The following ACOX3 variants were observed in gnomAD, a reference collection of about 807,000 sequenced individuals.
The protein encoded by ACOX3 is acyl-CoA oxidase 3, pristanoyl, also known as peroxisomal acyl-coenzyme A oxidase 3.
Under a neutral mutation model 81.5 loss-of-function variants are expected in ACOX3, and 73 were observed. That is an observed-to-expected ratio of 0.90 (90% CI 0.74 to 1.09). The LOEUF is 1.09. ACOX3 is among the 50% of genes least tolerant of loss of function. The pLI, the probability that ACOX3 is intolerant of heterozygous loss-of-function variation, is 0.00. For missense variants in ACOX3, 947 were observed against 928.0 expected, an observed-to-expected ratio of 1.02 and a Z score of -0.27; for synonymous variants, 387 against 375.1, an observed-to-expected ratio of 1.03 and a Z score of -0.37.
At chr4:8,408,891 T>TG (rs200811549) in intron 6 of ACOX3, among the ~76,000 whole-genome samples, 48 of 25,792 alleles carry the variant, frequency 1.9e-3, no homozygotes, top group Admixed American at 3.4e-3. Context: ...GAGCCCTCAC[T>TG]GGGGGGGGGG....
rs1231952749 is a variant in ACOX3, at chr4:8,405,797, C to T, written c.776+158G>A. Among the ~76,000 whole-genome samples the T allele has an allele frequency of 6.6e-6, 1 of 152,182 alleles. No homozygotes were observed. Among genetic ancestry groups the T allele is most frequent in the Non-Finnish European group, 1.5e-5 (1 of 68,036 alleles). ...AAAGTGGAGTTCAAGCAGGACGTGG[C>T]CAGTGCATGCACGGGGGCTAGGCGT... On this transcript the variant is annotated intron_variant, in intron 7 of 17. Coordinates refer to ENST00000356406, the MANE Select transcript of ACOX3 (RefSeq NM_003501.3). This position sits in a 1 kb window ranked among gnomAD's most constrained non-coding sequence, Gnocchi z 7.1.
chr4:8,413,240 C>G (rs1228743377), intron 5 of ACOX3, among the ~76,000 whole-genome samples: 1 of 129,502 alleles, frequency 7.7e-6, no homozygotes, highest in Non-Finnish European at 1.6e-5. Flanking sequence ...ATCTGTGGCC[C>G]ATCTCCCTCC....
rs1037571039 is a variant in ACOX3, at chr4:8,382,788, C to T, written c.1538-1181G>A. Among the ~76,000 whole-genome samples, 2 of 151,744 alleles carry T rather than the reference C, an allele frequency of 1.3e-5. No individual in the cohort carries two copies. The highest frequency in any genetic ancestry group is 1.9e-4 in the East Asian group (1 of 5,170). On this transcript the variant is annotated intron_variant, in intron 13 of 17. Coordinates refer to ENST00000356406, the MANE Select transcript of ACOX3 (RefSeq NM_003501.3). The surrounding 1 kb of genome is among the most constrained non-coding windows in gnomAD (Gnocchi z 4.1). ...CGGGCGGATCACGAGGTCAGGAGATCGAGACCATCCTGGCTAACACGGTGA... is the reference window on the plus strand; with the variant it reads ...CGGGCGGATCACGAGGTCAGGAGATTGAGACCATCCTGGCTAACACGGTGA...
In ACOX3 at chr4:8,396,934, T is replaced by C; in HGVS notation, c.1056+3A>G. The C allele has an allele frequency of 6.2e-7, 1 of 1,610,044 alleles. No homozygotes were observed. On this transcript the variant is annotated splice_donor_region_variant and intron_variant, in intron 9 of 17. Transcript: ENST00000356406. ...AGTGAAAGGATGCTTGAAAACCTCA[T>C]ACCTGCATTGGATACTCAAGCACTG...
intron 16 of ACOX3, 95 bp from the exon 17 acceptor site, chr4:8,371,089 T>A: frequency 8.8e-7 from 1 of 1,132,554 alleles, no homozygotes; most frequent in Non-Finnish European, 1.3e-6. Flanking sequence ...CAGGACCCAC[T>A]AGCAACGGGT....
rs1387433616 is a variant in ACOX3, at chr4:8,399,596, C to T, written c.833G>A (p.Gly278Glu). The change falls in exon 8 of 18, where the codon GGA becomes GAA. Residue 278 changes from glycine to glutamate, a missense_variant. Physicochemically the swap from Gly to Glu is moderately conservative, Grantham distance 98. Coordinates refer to ENST00000356406, the MANE Select transcript of ACOX3 (RefSeq NM_003501.3). This position sits in a 1 kb window ranked among gnomAD's most constrained non-coding sequence, Gnocchi z 4.9. ...VPRQSLLNRM[G>E]DVTPEGTYVS... ...ATAGGTGCCCTCGGGGGTGACGTCT[C>T]CCATCCGGTTCAGAAGGCTCTGGCG... The T allele has an allele frequency of 6.2e-7, 1 of 1,614,044 alleles. No individual in the cohort carries two copies. The highest frequency in any genetic ancestry group is 8.5e-7 in the Non-Finnish European group (1 of 1,180,032).
At position 8,416,776 on chromosome 4, in the gene ACOX3, C is replaced by G. The variant is rs1004532280; in HGVS notation, c.-14-241G>C. Among the ~76,000 whole-genome samples, 3 of 152,258 alleles carry G rather than the reference C, an allele frequency of 2.0e-5. No homozygotes were observed. The highest frequency in any genetic ancestry group is 7.2e-5 in the African/African-American group (3 of 41,460). On this transcript the variant is annotated intron_variant, in intron 1 of 17. Coordinates refer to ENST00000356406, the MANE Select transcript of ACOX3 (RefSeq NM_003501.3). This position sits in a 1 kb window ranked among gnomAD's most constrained non-coding sequence, Gnocchi z 4.2. Reference sequence around the variant, plus strand: ...CAAGGACACAGAAGAGAGCCAGGCACAGCCTGGGGGTCACCAGGCACACAG... The same window carrying G: ...CAAGGACACAGAAGAGAGCCAGGCAGAGCCTGGGGGTCACCAGGCACACAG...
Position 8,430,535 on chromosome 4 carries a change from G to A in ACOX3, c.-15+10113C>T, listed in dbSNP as rs1273944866. ...CCAAAATTACAACTACTAATCAATT[G>A]GGTTCACATGTGTTACTGACATTAG... On this transcript the variant is annotated intron_variant, in intron 1 of 17. Coordinates refer to ENST00000356406, the MANE Select transcript of ACOX3 (RefSeq NM_003501.3). The surrounding 1 kb of genome is among the most constrained non-coding windows in gnomAD (Gnocchi z 5.2). Among the ~76,000 whole-genome samples the A allele has an allele frequency of 6.6e-6, 1 of 152,126 alleles. No individual in the cohort carries two copies. The highest frequency in any genetic ancestry group is 2.4e-5 in the African/African-American group (1 of 41,428).
At chr4:8,376,268 T>C (rs1716947695) in intron 14 of ACOX3, among the ~76,000 whole-genome samples, 1 of 152,150 alleles carries the variant, frequency 6.6e-6, no homozygotes, top group Non-Finnish European at 1.5e-5. Context: ...CCATTTATCA[T>C]CTTACCAGAT....
chr4:8,367,119 A>G, intron 17 of ACOX3, 39 bp from the exon 18 acceptor site: 2 of 1,603,572 alleles, frequency 1.2e-6, no homozygotes, highest in South Asian at 1.1e-5. Flanking sequence ...AGACAAAGAA[A>G]TAAGAAGGAA....
In ACOX3 at chr4:8,400,634, T is replaced by G. The variant is rs1208252031; in HGVS notation, c.777-982A>C. 1.3e-5 allele frequency among the ~76,000 whole-genome samples: 2 copies of G among 152,202 alleles called. No homozygotes were observed. The highest frequency in any genetic ancestry group is 2.9e-5 in the Non-Finnish European group (2 of 68,044). Reference sequence around the variant, plus strand: ...ACCTATTACACAACAGTCTAGGGAATAAGGCTATGCTAGGTTAAGAATATT... The same window carrying G: ...ACCTATTACACAACAGTCTAGGGAAGAAGGCTATGCTAGGTTAAGAATATT... On this transcript the variant is annotated intron_variant, in intron 7 of 17. Transcript: ENST00000356406. This position sits in a 1 kb window ranked among gnomAD's most constrained non-coding sequence, Gnocchi z 4.4.
chr4:8,381,041 C>T lies in ACOX3; in HGVS notation c.1653+451G>A, dbSNP rs533376037. ...CCCTGTCCAAGTGTGAGAACCAAAG[C>T]GCTTTCCAAGGCCAACGATGACCCA... On this transcript the variant is annotated intron_variant, in intron 14 of 17. Coordinates refer to ENST00000356406, the MANE Select transcript of ACOX3 (RefSeq NM_003501.3). This position sits in a 1 kb window ranked among gnomAD's most constrained non-coding sequence, Gnocchi z 4.3. 6.6e-6 allele frequency among the ~76,000 whole-genome samples: 1 copy of T among 152,180 alleles called. No individual in the cohort carries two copies. The highest frequency in any genetic ancestry group is 1.9e-4 in the East Asian group (1 of 5,202).
In ACOX3 at chr4:8,414,433, A is replaced by G; in HGVS notation, c.454-52T>C. 6.6e-7 allele frequency: 1 copy of G among 1,517,928 alleles called. No homozygotes were observed. The highest frequency in any genetic ancestry group is 9.1e-7 in the Non-Finnish European group (1 of 1,092,924). The allele number at this position is 1,517,928 out of a possible 1,614,324, so 94.0% of individuals were successfully genotyped here. A position where few individuals can be genotyped will look rare whatever the true frequency, so the allele number is the denominator to read the frequency against. ...AAAGCAAGAAAAGTTCTTTGTGCACATTCCCAGAAGGACCTCACTGCCATC... is the reference window on the plus strand; with the variant it reads ...AAAGCAAGAAAAGTTCTTTGTGCACGTTCCCAGAAGGACCTCACTGCCATC... On this transcript the variant is annotated intron_variant, in intron 4 of 17. Coordinates refer to ENST00000356406, the MANE Select transcript of ACOX3 (RefSeq NM_003501.3). The surrounding 1 kb of genome is among the most constrained non-coding windows in gnomAD (Gnocchi z 6.1).
At chr4:8,377,496 G>T (rs1409531312) in intron 14 of ACOX3, among the ~76,000 whole-genome samples, 5 of 152,214 alleles carry the variant, frequency 3.3e-5, no homozygotes, top group Non-Finnish European at 5.9e-5. Flanking sequence ...AAGGCGTCAT[G>T]GCTCCAAGCC....
At position 8,397,120 on chromosome 4, in the gene ACOX3, C is replaced by G; in HGVS notation, c.874-1G>C. Reference sequence around the variant, plus strand: ...ACGCTCCAAAGCGCTGCCTGACGTCCTACGGGAGGGACACAGATGATAAGC... The same window carrying G: ...ACGCTCCAAAGCGCTGCCTGACGTCGTACGGGAGGGACACAGATGATAAGC... On this transcript the variant is annotated splice_acceptor_variant, in intron 8 of 17. Transcript: ENST00000356406. LOFTEE classifies it high-confidence loss of function. 2 of 1,548,086 alleles carry G rather than the reference C, an allele frequency of 1.3e-6. No homozygotes were observed. The highest frequency in any genetic ancestry group is 1.7e-6 in the Non-Finnish European group (2 of 1,150,834).
At chr4:8,422,308 G>C (rs1723033517) in intron 1 of ACOX3, among the ~76,000 whole-genome samples, 1 of 152,154 alleles carries the variant, frequency 6.6e-6, no homozygotes, top group Non-Finnish European at 1.5e-5. Context: ...TTAAAAGCCA[G>C]GGTAAATTTA....
chr4:8,372,868 G>GCAGCAC (rs1318261700), intron 16 of ACOX3, among the ~76,000 whole-genome samples: 5 of 152,210 alleles, frequency 3.3e-5, no homozygotes, highest in African/African-American at 7.2e-5. Flanking sequence ...GCCCACCGCA[G>GCAGCAC]CAGCACCAGC....
Position 8,405,874 on chromosome 4 carries a change from C to G in ACOX3, c.776+81G>C, listed in dbSNP as rs1028052762. 9.5e-6 allele frequency: 13 copies of G among 1,366,232 alleles called. No individual in the cohort carries two copies. In the African/African-American group the frequency reaches 1.6e-4, roughly 17 times the overall value. The allele number at this position is 1,366,232 out of a possible 1,614,324, so 84.6% of individuals were successfully genotyped here. A position where few individuals can be genotyped will look rare whatever the true frequency, so the allele number is the denominator to read the frequency against. On this transcript the variant is annotated intron_variant, in intron 7 of 17. Transcript: ENST00000356406. The surrounding 1 kb of genome is among the most constrained non-coding windows in gnomAD (Gnocchi z 7.1). ...AGGGCAGGGCATGGCATCCATGGGG[C>G]CAGTGAGATCTCAGACATGAGCGAC... is the stretch of plus-strand genomic sequence containing the variant.
intron 8 of ACOX3, 110 bp from the exon 9 acceptor site, chr4:8,397,229 C>CAGGTGGGCACAGGT: frequency 1.8e-6 from 2 of 1,096,644 alleles, no homozygotes; most frequent in Non-Finnish European, 2.5e-6. Flanking sequence ...TAGACCTGTG[C>CAGGTGGGCACAGGT]CCACCTGCCC....
Sources: gnomAD v4.1 joint callset for allele counts (sites outside exome capture counted in the v4.1 genomes callset) on GRCh38, gnomAD v4.1.1 for gene constraint, Gnocchi (gnomAD v3.1) non-coding constraint, MANE v1.5 for transcripts, NCBI Gene and HGNC (gene_info 2026-07-23, HGNC 2026-07-21) for gene names.